Variants in BBS9 observed in about 807,000 individuals in gnomAD.
The protein encoded by BBS9 is protein PTHB1.
BBS9 carries 89 observed loss-of-function variants against 117.7 expected under a neutral mutation model. That is an observed-to-expected ratio of 0.76 (90% CI 0.64 to 0.90). The LOEUF (loss-of-function observed/expected upper bound fraction) is 0.90, where lower values mean the gene tolerates loss of function less well. Ranked by LOEUF, BBS9 falls within the 40% of genes least tolerant of loss-of-function variation. The pLI is 0.00. For synonymous variants in BBS9, 379 were observed against 370.9 expected (o/e 1.02, Z -0.25); for missense variants, 982 against 1,042.2 (o/e 0.94, Z 0.80).
intron 4 of BBS9, among the ~76,000 whole-genome samples, chr7:33,166,876 C>G (rs1174965752): frequency 4.6e-5 from 7 of 152,342 alleles, no homozygotes; most frequent in Admixed American, 4.6e-4. Flanking sequence ...ACCTCACCCT[C>G]CGTGGGCTGC....
At chr7:33,478,466 A>G (rs914595064) in intron 19 of BBS9, among the ~76,000 whole-genome samples, 1 of 152,218 alleles carries the variant, frequency 6.6e-6, no homozygotes, top group African/African-American at 2.4e-5. Context: ...TACATTTCTT[A>G]TAGAATACTT....
chr7:33,192,108 C>T (rs577323733), intron 5 of BBS9, among the ~76,000 whole-genome samples: 7 of 152,046 alleles, frequency 4.6e-5, no homozygotes, highest in Non-Finnish European at 1.0e-4. Context: ...CATCTTACCA[C>T]CTAAAGGGCC....
intron 9 of BBS9, among the ~76,000 whole-genome samples, chr7:33,283,925 T>C (rs555067641): frequency 6.6e-6 from 1 of 152,166 alleles, no homozygotes; most frequent in Non-Finnish European, 1.5e-5. Context: ...TTCAAGAGGC[T>C]AGTGAGTGTC....
In BBS9 at chr7:33,483,466, C is replaced by G. The variant is rs139489632; in HGVS notation, c.2116-21997C>G. Reference sequence around the variant, plus strand: ...GAATCACCTTTTTCCTTCAACAGATCTAATTTAGGTTCTTCAACCTCCAAT... The same window carrying G: ...GAATCACCTTTTTCCTTCAACAGATGTAATTTAGGTTCTTCAACCTCCAAT... On this transcript the variant is annotated intron_variant, in intron 19 of 22. Transcript: ENST00000242067. Among the ~76,000 whole-genome samples the G allele has an allele frequency of 2.1e-3, 315 of 152,304 alleles. 1 individual carries two copies. Among genetic ancestry groups the G allele is most frequent in the Non-Finnish European group, 3.6e-3 (242 of 68,036 alleles).
chr7:33,417,463 G>T (rs986996058), intron 19 of BBS9, among the ~76,000 whole-genome samples: 2 of 152,148 alleles, frequency 1.3e-5, no homozygotes, highest in Non-Finnish European at 2.9e-5. Flanking sequence ...ACCTTCTACT[G>T]GGTATAAAAA....
At chr7:33,323,699 A>G (rs1486156343) in intron 9 of BBS9, among the ~76,000 whole-genome samples, 1 of 151,776 alleles carries the variant, frequency 6.6e-6, no homozygotes, top group Non-Finnish European at 1.5e-5. Flanking sequence ...TCATTAAGCC[A>G]CTGTATGTCT....
chr7:33,230,322 G>A (rs1160578903), intron 5 of BBS9, among the ~76,000 whole-genome samples: 4 of 152,028 alleles, frequency 2.6e-5, no homozygotes, highest in Non-Finnish European at 5.9e-5. Flanking sequence ...AGAAATCATT[G>A]CCAAGGCCAA....
At chr7:33,174,696 T>G (rs1447022133) in intron 4 of BBS9, among the ~76,000 whole-genome samples, 2 of 152,234 alleles carry the variant, frequency 1.3e-5, no homozygotes, top group African/African-American at 4.8e-5. Flanking sequence ...AGGCTGAACT[T>G]AAAATATGTA....
Position 33,317,382 on chromosome 7 carries a change from TAA to T in BBS9, c.1017-19050_1017-19049del, listed in dbSNP as rs561722433. ...AAAGTGTAGAAATCAACTTGTTACT[TAA>T]AAAAAAAAGCTGGCTGGGATTTTCA... On this transcript the variant is annotated intron_variant, in intron 9 of 22. Transcript: ENST00000242067. Among the ~76,000 whole-genome samples, 8 of 148,602 alleles carry T rather than the reference TAA, an allele frequency of 5.4e-5. No individual in the cohort carries two copies. The South Asian group carries it at 8.5e-4, about 16-fold the overall frequency.
chr7:33,222,253 T>C (rs1401741712), intron 5 of BBS9, among the ~76,000 whole-genome samples: 1 of 152,216 alleles, frequency 6.6e-6, no homozygotes, highest in African/African-American at 2.4e-5. Context: ...TTTCATCTCT[T>C]ATAACTAAGA....
At chr7:33,254,241 T>A (rs1223965923) in intron 5 of BBS9, among the ~76,000 whole-genome samples, 2 of 152,196 alleles carry the variant, frequency 1.3e-5, no homozygotes, top group South Asian at 2.1e-4. Context: ...TTTCTTTTTT[T>A]CTGGGCTAGG....
intron 5 of BBS9, among the ~76,000 whole-genome samples, chr7:33,205,466 A>G (rs1786728779): frequency 6.6e-6 from 1 of 152,164 alleles, no homozygotes; most frequent in African/African-American, 2.4e-5. Flanking sequence ...CACCAGATAT[A>G]TTGTTCAAAT....
chr7:33,484,652 A>G (rs886196731), intron 19 of BBS9, among the ~76,000 whole-genome samples: 1 of 152,208 alleles, frequency 6.6e-6, no homozygotes, highest in Non-Finnish European at 1.5e-5. Context: ...GATGCTGGCG[A>G]GGTTGTGGAG....
chr7:33,136,507 T>C (rs1790486192), intron 1 of BBS9, among the ~76,000 whole-genome samples: 1 of 152,144 alleles, frequency 6.6e-6, no homozygotes, highest in South Asian at 2.1e-4. Flanking sequence ...ATAGATGTCT[T>C]TTATCAGTGT....
At chr7:33,280,450 A>G (rs144063188) in intron 9 of BBS9, among the ~76,000 whole-genome samples, 349 of 152,164 alleles carry the variant, frequency 2.3e-3, no homozygotes, top group African/African-American at 8.2e-3. Context: ...TGTTTCCCCC[A>G]TATCTTTTCT....
chr7:33,256,575 G>A (rs1160640074), intron 5 of BBS9, among the ~76,000 whole-genome samples: 1 of 152,018 alleles, frequency 6.6e-6, no homozygotes, highest in Non-Finnish European at 1.5e-5. Context: ...TACAAGAAGA[G>A]TATCATCTAT....
chr7:33,163,165 C>A (rs1795129127), intron 4 of BBS9, among the ~76,000 whole-genome samples: 1 of 152,108 alleles, frequency 6.6e-6, no homozygotes, highest in African/African-American at 2.4e-5. Flanking sequence ...AGCCTTGCAT[C>A]CCAGGGATGA....
chr7:33,209,685 TTGC>T (rs1435900845), intron 5 of BBS9, among the ~76,000 whole-genome samples: 1 of 152,224 alleles, frequency 6.6e-6, no homozygotes, highest in Non-Finnish European at 1.5e-5. Context: ...TGGCATATAG[TTGC>T]TCATAGTACC....
chr7:33,514,405 C>T (rs1365881186), intron 20 of BBS9, among the ~76,000 whole-genome samples: 1 of 152,074 alleles, frequency 6.6e-6, no homozygotes, highest in Non-Finnish European at 1.5e-5. Context: ...CCTTTCTCAT[C>T]AAGGGGTGAC....
Sources: allele counts gnomAD v4.1 joint callset (sites outside exome capture counted in the v4.1 genomes callset), GRCh38; gene constraint gnomAD v4.1.1; transcripts MANE v1.5; gene names NCBI Gene and HGNC (gene_info 2026-07-23, HGNC 2026-07-21).